The following WWOX variants were observed in gnomAD, a reference collection of about 807,000 sequenced individuals.
WWOX encodes the protein WW domain containing oxidoreductase, also known as WW domain-containing oxidoreductase.
WWOX carries 69 observed loss-of-function variants against 46.2 expected under a neutral mutation model. The observed-to-expected ratio is 1.49, with a 90% CI of 1.23 to 1.82. The LOEUF (loss-of-function observed/expected upper bound fraction) is 1.82, where lower values mean the gene tolerates loss of function less well. Among genes scored for constraint, WWOX ranks in the 40% most tolerant of loss-of-function variants. The pLI is 0.00. For missense variants in WWOX, 919 were observed against 542.6 expected, an observed-to-expected ratio of 1.69 and a Z score of -6.89; for synonymous variants, 359 against 202.6, an observed-to-expected ratio of 1.77 and a Z score of -6.56.
intron 8 of WWOX, among the ~76,000 whole-genome samples, chr16:78,598,311 T>G (rs535093432): frequency 1.3e-5 from 2 of 152,214 alleles, no homozygotes; most frequent in Non-Finnish European, 2.9e-5. Context: ...TTTTAAGATG[T>G]GTAAGACTGT....
At chr16:78,193,857 A>T (rs867710995) in intron 5 of WWOX, among the ~76,000 whole-genome samples, 21 of 149,136 alleles carry the variant, frequency 1.4e-4, no homozygotes, top group African/African-American at 3.4e-4. Context: ...TTTTATTTTT[A>T]TTATTATTAT....
intron 4 of WWOX, among the ~76,000 whole-genome samples, chr16:78,154,091 C>G (rs915745346): frequency 9.2e-5 from 14 of 152,308 alleles, no homozygotes; most frequent in African/African-American, 3.1e-4. Context: ...TTTGTGTTCC[C>G]TGTCTGGGTA....
intron 8 of WWOX, among the ~76,000 whole-genome samples, chr16:78,623,193 C>T (rs538196606): frequency 6.6e-6 from 1 of 151,938 alleles, no homozygotes; most frequent in African/African-American, 2.4e-5. Context: ...CCTATGGAAG[C>T]TTTAAGATAA....
intron 8 of WWOX, among the ~76,000 whole-genome samples, chr16:78,935,348 C>T (rs770442421): frequency 2.0e-5 from 3 of 152,110 alleles, no homozygotes; most frequent in Non-Finnish European, 4.4e-5. Flanking sequence ...AGACTTGGAA[C>T]CAACTCAGAT....
chr16:78,612,275 A>C (rs2045919242), intron 8 of WWOX, among the ~76,000 whole-genome samples: 1 of 152,216 alleles, frequency 6.6e-6, no homozygotes, highest in Admixed American at 6.5e-5. Context: ...AAGGATGGCA[A>C]AGTGACTTGG....
chr16:78,282,548 G>A (rs775646850), intron 5 of WWOX, among the ~76,000 whole-genome samples: 6 of 152,152 alleles, frequency 3.9e-5, no homozygotes, highest in Admixed American at 3.3e-4. Context: ...GGGTCAGGAT[G>A]CTTTCAGAAA....
At chr16:78,940,673 A>ATT (rs2045833889) in intron 8 of WWOX, among the ~76,000 whole-genome samples, 1 of 81,248 alleles carries the variant, frequency 1.2e-5, no homozygotes, top group African/African-American at 5.9e-5. Context: ...TCTTAGGTTA[A>ATT]CTTTTTTTTT....
At chr16:79,031,798 A>T (rs201638472) in intron 8 of WWOX, among the ~76,000 whole-genome samples, 1 of 142,750 alleles carries the variant, frequency 7.0e-6, no homozygotes, top group African/African-American at 2.5e-5. Context: ...ATCTATATAT[A>T]GATATCTATA....
intron 8 of WWOX, among the ~76,000 whole-genome samples, chr16:79,139,057 C>T (rs1402460703): frequency 6.6e-6 from 1 of 152,156 alleles, no homozygotes; most frequent in Non-Finnish European, 1.5e-5. Flanking sequence ...AGATGGTCCC[C>T]CCTCAGCGTT....
At chr16:78,750,426 A>C (rs1330561531) in intron 8 of WWOX, among the ~76,000 whole-genome samples, 1 of 152,206 alleles carries the variant, frequency 6.6e-6, no homozygotes, top group South Asian at 2.1e-4. Flanking sequence ...AAGTAAAGAA[A>C]GAACAGTGCT....
intron 8 of WWOX, chr16:78,552,732 AT>A (rs1200742180): frequency 6.6e-6 from 1 of 152,210 alleles, no homozygotes; most frequent in African/African-American, 2.4e-5. Context: ...TCATTTGTTC[AT>A]TTAATTACTC....
chr16:79,207,124 C>A (rs749830432), intron 8 of WWOX, among the ~76,000 whole-genome samples: 9 of 152,158 alleles, frequency 5.9e-5, no homozygotes, highest in Admixed American at 1.3e-4. Flanking sequence ...GCCATCTATT[C>A]CACCTGTGAC....
At chr16:78,805,057 A>G (rs977690847) in intron 8 of WWOX, among the ~76,000 whole-genome samples, 2 of 152,252 alleles carry the variant, frequency 1.3e-5, no homozygotes, top group Non-Finnish European at 2.9e-5. Context: ...AACCCATCTT[A>G]AAAATAAAAG....
chr16:78,139,597 A>T (rs2033916793), intron 4 of WWOX, among the ~76,000 whole-genome samples: 1 of 152,182 alleles, frequency 6.6e-6, no homozygotes, highest in South Asian at 2.1e-4. Context: ...GCGAGCTGAG[A>T]TTGCGCCACT....
At chr16:78,905,464 C>G (rs2044937612) in intron 8 of WWOX, among the ~76,000 whole-genome samples, 1 of 152,222 alleles carries the variant, frequency 6.6e-6, no homozygotes, top group East Asian at 1.9e-4. Flanking sequence ...TTACTGCAGA[C>G]TCAACCTCCT....
At chr16:78,213,084 G>T (rs2036609285) in intron 5 of WWOX, among the ~76,000 whole-genome samples, 1 of 151,660 alleles carries the variant, frequency 6.6e-6, no homozygotes, top group African/African-American at 2.4e-5. Flanking sequence ...GAAACTCCAT[G>T]TCTACTAATA....
chr16:78,624,899 A>G (rs1335025018), intron 8 of WWOX, among the ~76,000 whole-genome samples: 1 of 152,218 alleles, frequency 6.6e-6, no homozygotes, highest in Non-Finnish European at 1.5e-5. Flanking sequence ...GGTGATGTTC[A>G]CCTGGAGTCT....
At chr16:78,277,760 A>G (rs2079606258) in intron 5 of WWOX, among the ~76,000 whole-genome samples, 1 of 152,142 alleles carries the variant, frequency 6.6e-6, no homozygotes, top group African/African-American at 2.4e-5. Flanking sequence ...GCAGTTTAAC[A>G]GATTCCCCCC....
At chr16:78,604,684 C>A (rs1597335551) in intron 8 of WWOX, among the ~76,000 whole-genome samples, 1 of 33,234 alleles carries the variant, frequency 3.0e-5, no homozygotes, top group African/African-American at 1.3e-4. Context: ...CTCCCTCCTT[C>A]CCCCCTCCCT....
Sources: allele counts gnomAD v4.1 joint callset (sites outside exome capture counted in the v4.1 genomes callset), GRCh38; gene constraint gnomAD v4.1.1; transcripts MANE v1.5; gene names NCBI Gene and HGNC (gene_info 2026-07-23, HGNC 2026-07-21).